The following APPL1 variants were observed in gnomAD, a reference collection of about 807,000 sequenced individuals.
The protein encoded by APPL1 is DCC-interacting protein 13-alpha.
A neutral mutation model predicts 106.8 loss-of-function variants in APPL1; 42 were observed. The observed-to-expected ratio is 0.39, with a 90% CI of 0.31 to 0.51. The LOEUF is 0.51. Among genes scored for constraint, APPL1 ranks in the 20% least tolerant of loss-of-function variants. APPL1 has a pLI of 0.75. For missense variants in APPL1, 769 were observed against 858.2 expected, an observed-to-expected ratio of 0.90 and a Z score of 1.30; for synonymous variants, 263 against 281.8, an observed-to-expected ratio of 0.93 and a Z score of 0.67.
chr3:57,246,260 A>T, intron 8 of APPL1, 38 bp downstream of exon 8: 1 of 1,426,902 alleles, frequency 7.0e-7, no homozygotes. Flanking sequence ...AACTGTCCTA[A>T]AAGTTTTATA....
chr3:57,246,421 A>G (rs1317750419), intron 8 of APPL1, among the ~76,000 whole-genome samples, 199 bp downstream of exon 8: 4 of 152,224 alleles, frequency 2.6e-5, no homozygotes, highest in Non-Finnish European at 4.4e-5. Flanking sequence ...GCAAATGAAG[A>G]TTTCAAATAT....
At chr3:57,247,066 C>A (rs992011051) in intron 8 of APPL1, among the ~76,000 whole-genome samples, 29 of 151,198 alleles carry the variant, frequency 1.9e-4, no homozygotes, top group African/African-American at 6.8e-4. Flanking sequence ...GAAAACTTAT[C>A]TTTGTAGTAA....
chr3:57,228,607 A>G lies in APPL1; in HGVS notation c.54+670A>G, dbSNP rs1048537453. On this transcript the variant is annotated intron_variant, in intron 1 of 21. Coordinates refer to ENST00000288266, the MANE Select transcript of APPL1 (RefSeq NM_012096.3). This position sits in a 1 kb window ranked among gnomAD's most constrained non-coding sequence, Gnocchi z 4.6. ...AGACTTGGCCTTAATAAACTCATCA[A>G]AATAAAAGCCCTGTGTTCTGTGCGT... 1.3e-5 allele frequency among the ~76,000 whole-genome samples: 2 copies of G among 152,238 alleles called. No individual in the cohort carries two copies. Among genetic ancestry groups the G allele is most frequent in the African/African-American group, 4.8e-5 (2 of 41,466 alleles).
At chr3:57,250,956 T>A (rs940303244) in intron 11 of APPL1, among the ~76,000 whole-genome samples, 1 of 149,772 alleles carries the variant, frequency 6.7e-6, no homozygotes, top group Non-Finnish European at 1.5e-5. Context: ...TACAGGCGCC[T>A]GCTACCACGC....
chr3:57,230,155 T>C (rs907585917), intron 1 of APPL1, among the ~76,000 whole-genome samples: 34 of 152,334 alleles, frequency 2.2e-4, no homozygotes, highest in African/African-American at 8.2e-4. Context: ...TTGGAGGTGA[T>C]TCTTAGGTCG....
At position 57,249,536 on chromosome 3, in the gene APPL1, T is replaced by C; in HGVS notation, c.1040T>C (p.Phe347Ser). The change falls in exon 11 of 22, where the codon TTC becomes TCC. Residue 347 changes from phenylalanine to serine, a missense_variant. Phe to Ser is a radical substitution (Grantham distance 155, BLOSUM62 -2). Transcript: ENST00000288266. ...DRRYCFQITS[F>S]DGKKSSILQA... is the part of the protein sequence containing the mutation. ...CGATATTGTTTTCAGATCACCTCTT[T>C]CGATGGAAAAAAGTTAGTATTTTTT... is the stretch of plus-strand genomic sequence containing the variant. 1 of 1,572,616 alleles carries C rather than the reference T, an allele frequency of 6.4e-7. No individual in the cohort carries two copies.
intron 11 of APPL1, among the ~76,000 whole-genome samples, chr3:57,250,578 C>T (rs988565960): frequency 3.3e-5 from 5 of 152,096 alleles, no homozygotes; most frequent in African/African-American, 1.2e-4. Context: ...CTTTTTTGTC[C>T]ATTGCCTTCC....
Position 57,257,428 on chromosome 3 carries a change from G to T in APPL1, c.1430G>T (p.Arg477Met). ...GCAAAAGCCTTTGGCCAGGGAGGCAGGTGGGTGATAGCATCACAGGTACAT... is the reference window on the plus strand; with the variant it reads ...GCAAAAGCCTTTGGCCAGGGAGGCATGTGGGTGATAGCATCACAGGTACAT... Reference protein sequence around the residue: ...GQAKAFGQGGRRTNPFGESGG... With the variant: ...GQAKAFGQGGMRTNPFGESGG... The change falls in exon 15 of 22, where the codon AGG (arginine) becomes ATG (methionine). Residue 477 changes from arginine to methionine, a missense_variant and splice_region_variant. By Grantham distance (91) the Arg-to-Met change is moderately conservative. Transcript: ENST00000288266. 1 of 1,610,132 alleles carries T rather than the reference G, an allele frequency of 6.2e-7. No homozygotes were observed. The highest frequency in any genetic ancestry group is 1.1e-5 in the South Asian group (1 of 90,480).
intron 2 of APPL1, among the ~76,000 whole-genome samples, chr3:57,235,997 C>G (rs1276599954): frequency 1.3e-5 from 2 of 151,862 alleles, no homozygotes; most frequent in Non-Finnish European, 2.9e-5. Flanking sequence ...CTGGTATTTT[C>G]CCTAATCATG....
chr3:57,234,594 G>A (rs1402702016), intron 1 of APPL1, among the ~76,000 whole-genome samples: 2 of 151,476 alleles, frequency 1.3e-5, no homozygotes, highest in African/African-American at 4.9e-5. Flanking sequence ...CACCGCACCC[G>A]GCCTGACATT....
rs1447199235 is a variant in APPL1 at position 57,257,337 on chromosome 3, G to T, written c.1339G>T (p.Val447Phe). 1 of 1,613,890 alleles carries T rather than the reference G, an allele frequency of 6.2e-7. No homozygotes were observed. The highest frequency in any genetic ancestry group is 1.7e-5 in the Admixed American group (1 of 59,978). ...GGCTGCCCTCTCTCTAGATTCTCTT[G>T]TTGCCCCAGACACCCCAATACAGTT... ...NLAALSLDSL[V>F]APDTPIQFDI... Residue 447 changes from valine (V) to phenylalanine (F), a missense_variant, in exon 15 of 22, where the codon GTT becomes TTT. By Grantham distance (50) the Val-to-Phe change is conservative. Coordinates refer to ENST00000288266, the MANE Select transcript of APPL1 (RefSeq NM_012096.3).
chr3:57,247,427 T>G lies in APPL1; in HGVS notation c.654T>G (p.Leu218=). Residue 218 remains leucine, a synonymous_variant, in exon 9 of 22, where the codon CTT becomes CTG. Coordinates refer to ENST00000288266, the MANE Select transcript of APPL1 (RefSeq NM_012096.3). ...ISFFKMGSEN[L]NEQLEEFLAN... ...TCTTTAAGATGGGTTCTGAAAATCTTAATGAACAACTGGAAGAATTTTTAG... is the reference window on the plus strand; with the variant it reads ...TCTTTAAGATGGGTTCTGAAAATCTGAATGAACAACTGGAAGAATTTTTAG... The G allele has an allele frequency of 6.2e-7, 1 of 1,611,786 alleles. No homozygotes were observed. The highest frequency in any genetic ancestry group is 8.5e-7 in the Non-Finnish European group (1 of 1,178,392).
intron 1 of APPL1, among the ~76,000 whole-genome samples, chr3:57,231,195 C>T (rs1475128331): frequency 6.7e-6 from 1 of 149,842 alleles, no homozygotes; most frequent in Non-Finnish European, 1.5e-5. Flanking sequence ...AAAAATTAGC[C>T]GGGCGTGGTG....
intron 1 of APPL1, among the ~76,000 whole-genome samples, chr3:57,234,596 C>T (rs2060706258): frequency 6.6e-6 from 1 of 151,778 alleles, no homozygotes; most frequent in Non-Finnish European, 1.5e-5. Flanking sequence ...CCGCACCCGG[C>T]CTGACATTCT....
In APPL1 at chr3:57,259,726, A is replaced by G; in HGVS notation, c.1484-119A>G. ...CCCTTAGGCTGTTGAATTTTTCACT[A>G]GAAAACCTAAAAGGAGGCAGTGTAT... On this transcript the variant is annotated intron_variant, in intron 16 of 21. Coordinates refer to ENST00000288266, the MANE Select transcript of APPL1 (RefSeq NM_012096.3). The G allele has an allele frequency of 3.5e-6, 3 of 851,928 alleles. No homozygotes were observed. In the South Asian group the frequency reaches 7.0e-5, roughly 20 times the overall value. 52.8% of individuals were successfully genotyped at this position (851,928 alleles called of 1,614,324 possible).
chr3:57,252,389 C>A, intron 12 of APPL1, 78 bp downstream of exon 12: 1 of 1,071,980 alleles, frequency 9.3e-7, no homozygotes, highest in Non-Finnish European at 1.3e-6. Flanking sequence ...TTAATGTGTT[C>A]ATTGTAGAAA....
intron 11 of APPL1, among the ~76,000 whole-genome samples, chr3:57,251,406 C>A (rs1467663430): frequency 6.6e-6 from 1 of 151,346 alleles, no homozygotes; most frequent in African/African-American, 2.4e-5. Context: ...TGCCTGTAAT[C>A]CTACCTACTT....
rs1270083432 is a variant in APPL1, at chr3:57,273,316, G to A, written c.*3629G>A. ...TTGGATTTGAAGAACTCGACTTTAT[G>A]TGATCATGGTATTGGTATACATGTG... is the stretch of plus-strand genomic sequence containing the variant. On this transcript the variant is annotated 3_prime_UTR_variant, in exon 22 of 22. Transcript: ENST00000288266. The A allele has an allele frequency of 1.3e-5, 2 of 152,608 alleles. No homozygotes were observed. Among genetic ancestry groups the A allele is most frequent in the African/African-American group, 4.8e-5 (2 of 41,448 alleles). The allele number at this position is 152,608 out of a possible 1,614,324, so 9.5% of individuals were successfully genotyped here. A position where few individuals can be genotyped will look rare whatever the true frequency, so the allele number is the denominator to read the frequency against.
chr3:57,269,869 T>TC lies in APPL1; in HGVS notation c.*187dup, dbSNP rs1193759344. The TC allele has an allele frequency of 6.0e-6, 4 of 662,302 alleles. No individual in the cohort carries two copies. Among genetic ancestry groups the TC allele is most frequent in the East Asian group, 2.9e-5 (1 of 34,400 alleles). 41.0% of individuals were successfully genotyped at this position (662,302 alleles called of 1,614,324 possible). A position where few individuals can be genotyped will look rare whatever the true frequency, so the allele number is the denominator to read the frequency against. On this transcript the variant is annotated 3_prime_UTR_variant, in exon 22 of 22. Transcript: ENST00000288266. ...GACTTAGGTTTGCATTGATCTTTTT[T>TC]CCCCCTTAAACATAATGTACTATGT... is the stretch of plus-strand genomic sequence containing the variant.
Sources: allele counts gnomAD v4.1 joint callset (sites outside exome capture counted in the v4.1 genomes callset), GRCh38; gene constraint gnomAD v4.1.1; non-coding constraint Gnocchi (gnomAD v3.1); transcripts MANE v1.5; gene names NCBI Gene and HGNC (gene_info 2026-07-23, HGNC 2026-07-21).